Variants in WNK3 observed in about 807,000 individuals in gnomAD.
WNK3 encodes the protein serine/threonine-protein kinase WNK3.
In WNK3, 18 loss-of-function variants were observed where a neutral mutation model predicts 116.7. The observed-to-expected ratio is 0.15, with a 90% CI of 0.11 to 0.23. The LOEUF is 0.23. WNK3 is among the 10% of genes least tolerant of loss of function. WNK3 has a pLI of 1.00. For missense variants in WNK3, 993 were observed against 1,323.8 expected (o/e 0.75, Z 3.88); for synonymous variants, 404 against 469.4 (o/e 0.86, Z 1.80).
At chrX:54,261,762 C>T (rs2068259130) in intron 10 of WNK3, among the ~76,000 whole-genome samples, 1 of 111,716 alleles carries the variant, frequency 9.0e-6, no homozygotes, top group Non-Finnish European at 1.9e-5. Flanking sequence ...TGTAAACATA[C>T]CATTATTTAT....
intron 10 of WNK3, among the ~76,000 whole-genome samples, chrX:54,273,503 C>A (rs1335132669): frequency 1.8e-5 from 2 of 111,729 alleles, no homozygotes; most frequent in African/African-American, 6.5e-5. Flanking sequence ...GATTGTGCCA[C>A]TGCACTCCAG....
At chrX:54,326,441 T>C (rs782470587) in intron 2 of WNK3, among the ~76,000 whole-genome samples, 210 of 111,256 alleles carry the variant, frequency 1.9e-3, no homozygotes, top group African/African-American at 6.3e-3. Flanking sequence ...CAGTGGCTCA[T>C]GCCTGTAATC....
chrX:54,240,872 T>C (rs781967598), intron 17 of WNK3, among the ~76,000 whole-genome samples: 67 of 111,647 alleles, frequency 6.0e-4, no homozygotes, highest in South Asian at 3.0e-3. Context: ...CACATACAAG[T>C]CTTTCCCTGA....
intron 22 of WNK3, among the ~76,000 whole-genome samples, chrX:54,208,475 A>G (rs1787167204): frequency 9.0e-6 from 1 of 111,215 alleles, no homozygotes; most frequent in Admixed American, 9.6e-5. Flanking sequence ...CCTGGACTCA[A>G]GCAATCCTCC....
At chrX:54,259,279 A>G in exon 11 of WNK3, 1 of 1,190,528 alleles carries the variant, frequency 8.4e-7, no homozygotes, top group South Asian at 1.8e-5. Flanking sequence ...CTTACCTTCG[A>G]ACTAAATCTG....
intron 10 of WNK3, among the ~76,000 whole-genome samples, chrX:54,265,444 G>A (rs782155570): frequency 3.0e-4 from 33 of 111,036 alleles, no homozygotes; most frequent in Admixed American, 5.8e-4. Flanking sequence ...CCGAGATTGC[G>A]CAACTGCACT....
intron 1 of WNK3, among the ~76,000 whole-genome samples, chrX:54,350,128 G>A (rs954377087): frequency 1.8e-5 from 2 of 111,706 alleles, no homozygotes; most frequent in Non-Finnish European, 3.8e-5. Context: ...GCTAAACATA[G>A]GCCAGGTGCG....
At chrX:54,209,526 A>G (rs2067590041) in intron 22 of WNK3, among the ~76,000 whole-genome samples, 1 of 104,942 alleles carries the variant, frequency 9.5e-6, no homozygotes, top group Non-Finnish European at 1.9e-5. Flanking sequence ...AGGGAAGGAT[A>G]TATACGTGTT....
At chrX:54,196,540 G>A (rs1557140175) in exon 24 of WNK3, 4 of 110,007 alleles carry the variant, frequency 3.6e-5, no homozygotes, top group Non-Finnish European at 1.9e-5. Context: ...AGAATACGGA[G>A]GAAAATCTGT....
intron 10 of WNK3, among the ~76,000 whole-genome samples, chrX:54,282,143 G>A (rs782460658): frequency 4.6e-4 from 51 of 109,846 alleles, no homozygotes; most frequent in Non-Finnish European, 9.3e-4. Flanking sequence ...GGGTTCAAGG[G>A]ATCCTTCTGC....
At chrX:54,267,721 G>A (rs782188765) in intron 10 of WNK3, among the ~76,000 whole-genome samples, 11 of 110,090 alleles carry the variant, frequency 1.0e-4, no homozygotes, top group African/African-American at 1.6e-4. Flanking sequence ...ACTTGAACCC[G>A]GGAGGCGGAG....
intron 22 of WNK3, among the ~76,000 whole-genome samples, chrX:54,224,242 C>G (rs1467353523): frequency 9.2e-6 from 1 of 108,872 alleles, no homozygotes; most frequent in Non-Finnish European, 1.9e-5. Context: ...ATCCCAGGTA[C>G]TAGGGAGGCT....
intron 10 of WNK3, among the ~76,000 whole-genome samples, chrX:54,275,199 C>T (rs1397382071): frequency 2.8e-5 from 3 of 108,283 alleles, no homozygotes; most frequent in African/African-American, 1.0e-4. Context: ...AGCTGTAATC[C>T]CAGCTACTTG....
chrX:54,308,155 A>C lies in WNK3; in HGVS notation c.932-76T>G, dbSNP rs782806553. Reference sequence around the variant, plus strand: ...ACCAAGATCACATCCCCTTTCCTATAAGGATTATCTGTGTTAATTTCTACT... The same window carrying C: ...ACCAAGATCACATCCCCTTTCCTATCAGGATTATCTGTGTTAATTTCTACT... On this transcript the variant is annotated intron_variant, in intron 4 of 23. Transcript: ENST00000354646. 4.6e-4 allele frequency: 419 copies of C among 916,959 alleles called. 2 individuals are homozygous for C. The highest frequency in any genetic ancestry group is 3.7e-3 in the Middle Eastern group (13 of 3,478). 75.6% of individuals were successfully genotyped at this position (916,959 alleles called of 1,213,427 possible).
intron 1 of WNK3, among the ~76,000 whole-genome samples, chrX:54,355,377 A>G (rs1346514846): frequency 9.0e-6 from 1 of 111,204 alleles, no homozygotes; most frequent in Non-Finnish European, 1.9e-5. Flanking sequence ...TTTCAGATAG[A>G]AGGAGAAAAA....
chrX:54,261,525 T>C (rs1406698113), intron 10 of WNK3, among the ~76,000 whole-genome samples: 1 of 111,662 alleles, frequency 9.0e-6, no homozygotes, highest in African/African-American at 3.3e-5. Flanking sequence ...AGTCTGTTTG[T>C]ACAAAGTTGA....
chrX:54,245,506 C>CACAT (rs1287815150), intron 17 of WNK3, among the ~76,000 whole-genome samples: 1 of 110,064 alleles, frequency 9.1e-6, no homozygotes, highest in Admixed American at 9.8e-5. Context: ...CACACACATA[C>CACAT]ACATACATAC....
At chrX:54,212,150 C>T (rs940577683) in intron 22 of WNK3, among the ~76,000 whole-genome samples, 4 of 111,758 alleles carry the variant, frequency 3.6e-5, no homozygotes, top group Non-Finnish European at 5.6e-5. Context: ...GTCGTGAAAC[C>T]GGGAGGCAGA....
chrX:54,236,882 A>T, intron 20 of WNK3, 56 bp downstream of exon 20: 3 of 1,128,979 alleles, frequency 2.7e-6, no homozygotes, highest in Non-Finnish European at 3.5e-6. Context: ...ATCCAATACT[A>T]AGTTCTATAA....
Sources: allele counts gnomAD v4.1 joint callset (sites outside exome capture counted in the v4.1 genomes callset), GRCh38; gene constraint gnomAD v4.1.1; transcripts MANE v1.5; gene names NCBI Gene and HGNC (gene_info 2026-07-23, HGNC 2026-07-21).